Variants in SLC25A51 observed in about 807,000 individuals in gnomAD.
SLC25A51 encodes the protein solute carrier family 25 member 51.
SLC25A51 carries 11 observed loss-of-function variants against 19.1 expected under a neutral mutation model. That is an observed-to-expected ratio of 0.58 (90% CI 0.36 to 0.96). The LOEUF is 0.96. SLC25A51 is among the 40% of genes least tolerant of loss of function. The pLI is 0.01. For missense variants in SLC25A51, 201 were observed against 365.4 expected, an observed-to-expected ratio of 0.55 and a Z score of 3.67; for synonymous variants, 105 against 133.6, an observed-to-expected ratio of 0.79 and a Z score of 1.47.
chr9:37,895,622 G>T (rs1650499904), intron 2 of SLC25A51, among the ~76,000 whole-genome samples: 1 of 152,068 alleles, frequency 6.6e-6, no homozygotes, highest in Admixed American at 6.6e-5. Context: ...GATTTGTAAA[G>T]TATCTTTTAG....
At position 37,887,968 on chromosome 9, in the gene SLC25A51, C is replaced by T. The variant is rs1831499317; in HGVS notation, c.583G>A (p.Gly195Ser). The T allele has an allele frequency of 6.2e-7, 1 of 1,612,004 alleles. No homozygotes were observed. The highest frequency in any genetic ancestry group is 1.1e-5 in the South Asian group (1 of 90,994). ...LSNVLFFGLR[G>S]PIKEHLPTAT... ...GTAGGCAGATGCTCCTTAATGGGAC[C>T]TCGAAGGCCGAAAAACAAGACATTG... Residue 195 changes from glycine to serine, a missense_variant, in exon 3 of 3, where the codon GGT (glycine) becomes AGT (serine). By Grantham distance (56) the Gly-to-Ser change is moderately conservative. Transcript: ENST00000242275.
chr9:37,895,819 T>C (rs933510542), intron 2 of SLC25A51, among the ~76,000 whole-genome samples: 6 of 141,368 alleles, frequency 4.2e-5, no homozygotes, highest in Non-Finnish European at 9.3e-5. Flanking sequence ...CTTCCACAAC[T>C]TTTTTTTTTT....
intron 1 of SLC25A51, among the ~76,000 whole-genome samples, chr9:37,903,092 G>T (rs1831890775): frequency 6.6e-6 from 1 of 152,210 alleles, no homozygotes; most frequent in East Asian, 1.9e-4. Context: ...TCAACTCCTA[G>T]CTTGTTTTCC....
At chr9:37,881,202 A>T (rs1040630514) in intron 3 of SLC25A51, among the ~76,000 whole-genome samples, 6 of 63,514 alleles carry the variant, frequency 9.4e-5, no homozygotes, top group East Asian at 2.7e-4. Context: ...AAGTAGATAT[A>T]AAAAAAAAAA....
downstream of SLC25A51, chr9:37,887,458 G>T: frequency 1.6e-6 from 1 of 609,384 alleles, no homozygotes; most frequent in Non-Finnish European, 2.8e-6. Flanking sequence ...AGAGGCTTGA[G>T]ACTTTCCTTT....
downstream of SLC25A51, chr9:37,878,939 C>A: frequency 4.9e-6 from 1 of 204,242 alleles, no homozygotes; most frequent in Non-Finnish European, 1.0e-5. Flanking sequence ...ATCAAGGCTT[C>A]AGTGTAACTC....
chr9:37,883,698 G>A (rs1419927344), downstream of SLC25A51, among the ~76,000 whole-genome samples: 1 of 152,218 alleles, frequency 6.6e-6, no homozygotes, highest in Non-Finnish European at 1.5e-5. Flanking sequence ...AGGCACCAAG[G>A]TGCCTTTATT....
chr9:37,902,596 G>C (rs1263392462), intron 1 of SLC25A51, among the ~76,000 whole-genome samples: 1 of 152,146 alleles, frequency 6.6e-6, no homozygotes, highest in Non-Finnish European at 1.5e-5. Flanking sequence ...CTGTGAACAT[G>C]GTTAAATTTC....
At chr9:37,890,032 T>C (rs558654733) in intron 2 of SLC25A51, among the ~76,000 whole-genome samples, 11 of 151,942 alleles carry the variant, frequency 7.2e-5, no homozygotes, top group Middle Eastern at 3.4e-3. Context: ...TACACACATA[T>C]GTGTATGTGT....
At chr9:37,891,535 G>C (rs368455093) in intron 2 of SLC25A51, among the ~76,000 whole-genome samples, 158 of 152,306 alleles carry the variant, frequency 1.0e-3, no homozygotes, top group African/African-American at 2.8e-3. Context: ...GCCTTGGGAT[G>C]CTGTTGATCT....
chr9:37,885,362 A>AAC (rs1554693029), downstream of SLC25A51, among the ~76,000 whole-genome samples: 1 of 151,648 alleles, frequency 6.6e-6, no homozygotes, highest in African/African-American at 2.4e-5. Flanking sequence ...AAAAAAAAAA[A>AAC]AAAAAACCTT....
At chr9:37,886,337 G>A, downstream of SLC25A51, 2 of 1,613,668 alleles carry the variant, frequency 1.2e-6, no homozygotes, top group Non-Finnish European at 1.7e-6. Context: ...GGAGCAGCCT[G>A]TGGCTTCAAC....
At position 37,897,513 on chromosome 9, in the gene SLC25A51, C is replaced by T. The variant is rs1050191690; in HGVS notation, c.-43+2316G>A. Among the ~76,000 whole-genome samples the T allele has an allele frequency of 5.3e-5, 8 of 152,138 alleles. No individual in the cohort carries two copies. The South Asian group carries it at 1.0e-3, about 20-fold the overall frequency. ...AGTTTTTTGGTGAACGTTTTAGTTT[C>T]CACCATGTAAAAGATCACTTGCAAA... On this transcript the variant is annotated intron_variant, in intron 2 of 2. Coordinates refer to ENST00000242275, the MANE Select transcript of SLC25A51 (RefSeq NM_033412.4).
downstream of SLC25A51, chr9:37,878,800 A>T (rs1034322843): frequency 1.3e-5 from 2 of 156,872 alleles, no homozygotes; most frequent in Non-Finnish European, 2.8e-5. Context: ...TCATACTTTT[A>T]AAAATGTTAT....
chr9:37,888,613 C>T (rs529429677), intron 2 of SLC25A51, 21 bp from the exon 3 acceptor site: 130 of 1,526,708 alleles, frequency 8.5e-5, no homozygotes, highest in East Asian at 4.9e-4. Flanking sequence ...TAAATGACAA[C>T]GGGTAAACCC....
intron 2 of SLC25A51, among the ~76,000 whole-genome samples, chr9:37,895,690 A>G (rs76453574): frequency 0.012 from 1,769 of 152,146 alleles, 37 homozygotes; most frequent in African/African-American, 0.041. Flanking sequence ...TTCCATGTCT[A>G]TATCATTTTT....
At chr9:37,885,826 G>A (rs1249008208), downstream of SLC25A51, 15 of 1,605,734 alleles carry the variant, frequency 9.3e-6, no homozygotes, top group East Asian at 4.5e-5. Context: ...TTGGATATTC[G>A]CATGGGCCTA....
chr9:37,885,482 A>G (rs1012709449), downstream of SLC25A51, among the ~76,000 whole-genome samples: 3 of 151,866 alleles, frequency 2.0e-5, no homozygotes, highest in African/African-American at 7.3e-5. Context: ...TATTTGGCCA[A>G]TTAAGAAAGA....
intron 1 of SLC25A51, among the ~76,000 whole-genome samples, chr9:37,901,776 T>C (rs914241582): frequency 6.6e-6 from 1 of 152,240 alleles, no homozygotes; most frequent in Non-Finnish European, 1.5e-5. Context: ...AGATATGTTC[T>C]AGACACTGAA....
Sources: allele counts gnomAD v4.1 joint callset (sites outside exome capture counted in the v4.1 genomes callset), GRCh38; gene constraint gnomAD v4.1.1; transcripts MANE v1.5; gene names NCBI Gene and HGNC (gene_info 2026-07-23, HGNC 2026-07-21).